The following DGLUCY variants were observed in gnomAD, a reference collection of about 807,000 sequenced individuals.
DGLUCY encodes the protein D-glutamate cyclase, also known as D-glutamate cyclase, mitochondrial.
Under a neutral mutation model 58.5 loss-of-function variants are expected in DGLUCY, and 58 were observed. That is an observed-to-expected ratio of 0.99 (90% CI 0.80 to 1.23). The LOEUF (loss-of-function observed/expected upper bound fraction) is 1.23, where lower values mean the gene tolerates loss of function less well. Among genes scored for constraint, DGLUCY ranks in the 50% most tolerant of loss-of-function variants. The pLI is 0.00. For missense variants in DGLUCY, 779 were observed against 784.7 expected (o/e 0.99, Z 0.09); for synonymous variants, 325 against 314.1 (o/e 1.03, Z -0.37).
At chr14:91,216,705 A>G (rs1886575239) in intron 13 of DGLUCY, among the ~76,000 whole-genome samples, 1 of 151,208 alleles carries the variant, frequency 6.6e-6, no homozygotes, top group Non-Finnish European at 1.5e-5. Context: ...ACCCAAGGAC[A>G]CTGTGACTTT....
chr14:91,205,806 T>TCTCCTC (rs146159847), intron 12 of DGLUCY, among the ~76,000 whole-genome samples: 37 of 131,914 alleles, frequency 2.8e-4, no homozygotes, highest in East Asian at 1.1e-3. Context: ...TCCGTCTCCT[T>TCTCCTC]CTCCTCCTCC....
chr14:91,188,838 AATACATAC>A (rs754963738), intron 8 of DGLUCY, 64 bp from the exon 9 acceptor site: 5 of 1,459,590 alleles, frequency 3.4e-6, no homozygotes, highest in South Asian at 1.3e-5. Context: ...TAAGTAAATA[AATACATAC>A]ATACATACAT....
At chr14:91,217,479 C>T (rs1327555743) in intron 13 of DGLUCY, among the ~76,000 whole-genome samples, 15 of 116,056 alleles carry the variant, frequency 1.3e-4, no homozygotes, top group Non-Finnish European at 2.4e-4. Flanking sequence ...TGCCCCTTTT[C>T]TGTCTTTTTT....
intron 11 of DGLUCY, among the ~76,000 whole-genome samples, chr14:91,200,994 G>C (rs533673286): frequency 6.6e-6 from 1 of 152,038 alleles, no homozygotes; most frequent in East Asian, 1.9e-4. Context: ...TCTTCAGGGT[G>C]GGGGAGGATA....
chr14:91,090,591 G>A (rs574366544), intron 1 of DGLUCY, among the ~76,000 whole-genome samples: 3 of 152,282 alleles, frequency 2.0e-5, no homozygotes, highest in South Asian at 4.2e-4. Context: ...CTCTGTCCTG[G>A]TTAGCAAACT....
intron 12 of DGLUCY, among the ~76,000 whole-genome samples, chr14:91,211,206 T>C (rs1885633974): frequency 6.6e-6 from 1 of 152,196 alleles, no homozygotes; most frequent in Admixed American, 6.5e-5. Context: ...TGGAGAGATA[T>C]TCCATGTTCA....
chr14:91,082,277 C>G lies in DGLUCY; in HGVS notation c.-82+21573C>G, dbSNP rs189803149. On this transcript the variant is annotated intron_variant, in intron 1 of 4. Transcript: ENST00000521334. ...AGATAAAAAGTGAGCCACACTCCCC[C>G]CTTCCCATGAAAGAGGTACCTGACC... Among the ~76,000 whole-genome samples the G allele has an allele frequency of 2.5e-3, 388 of 152,312 alleles. 1 individual carries two copies. Among genetic ancestry groups the G allele is most frequent in the African/African-American group, 8.0e-3 (334 of 41,576 alleles).
At position 91,201,882 on chromosome 14, in the gene DGLUCY, G is replaced by A. The variant is rs1041616919; in HGVS notation, c.1444+1977G>A. Among the ~76,000 whole-genome samples, 7 of 151,542 alleles carry A rather than the reference G, an allele frequency of 4.6e-5. No homozygotes were observed. In the South Asian group the frequency reaches 1.2e-3, roughly 27 times the overall value. ...AGCCTGGCCAACATGGCACAACCCC[G>A]TCTCTATTAAATATATAAAAAAATT... is the stretch of plus-strand genomic sequence containing the variant. On this transcript the variant is annotated intron_variant, in intron 11 of 13. Coordinates refer to ENST00000256324, the MANE Select transcript of DGLUCY (RefSeq NM_001102368.3).
At chr14:91,206,923 T>A in intron 12 of DGLUCY, among the ~76,000 whole-genome samples, 1 of 151,870 alleles carries the variant, frequency 6.6e-6, no homozygotes, top group Non-Finnish European at 1.5e-5. Context: ...AGCAGAGACA[T>A]GAAAATTTTA....
chr14:91,224,784 A>G lies in DGLUCY; in HGVS notation c.1817A>G (p.His606Arg). The G allele has an allele frequency of 1.9e-6, 3 of 1,613,530 alleles. No individual in the cohort carries two copies. The highest frequency in any genetic ancestry group is 1.7e-6 in the Non-Finnish European group (2 of 1,179,650). The change falls in exon 14 of 14, where the codon CAC becomes CGC. Residue 606 changes from histidine (H) to arginine (R), a missense_variant. Transcript: ENST00000256324. ...GATGGGCTGCCCTTCCACAACACCC[A>G]CGCCGAGATGATCCAGAAGCTGGTG... is the stretch of plus-strand genomic sequence containing the variant. ...EVDGLPFHNT[H>R]AEMIQKLVDV...
intron 1 of DGLUCY, among the ~76,000 whole-genome samples, chr14:91,150,240 A>AAG (rs2047246231): frequency 2.7e-5 from 4 of 150,930 alleles, no homozygotes; most frequent in African/African-American, 9.8e-5. Context: ...AAAAAAAAAA[A>AAG]AATCCAGTTT....
intron 1 of DGLUCY, among the ~76,000 whole-genome samples, chr14:91,082,011 C>T (rs143002627): frequency 2.0e-5 from 3 of 152,210 alleles, no homozygotes; most frequent in Non-Finnish European, 2.9e-5. Context: ...CCCAGAAAAT[C>T]GAAGATAATA....
At chr14:91,173,672 A>G in intron 6 of DGLUCY, 2 of 497,234 alleles carry the variant, frequency 4.0e-6, no homozygotes, top group South Asian at 3.0e-5. Context: ...AGGGGTCTCC[A>G]GGGGCAAAGG....
Position 91,223,873 on chromosome 14 carries a change from A to G in DGLUCY, c.1717-811A>G, listed in dbSNP as rs181305257. ...CATCACCCTCCCCATTTTACAGATA[A>G]GCACACTAAGGCACAGAACAGTTAA... On this transcript the variant is annotated intron_variant, in intron 13 of 13. Coordinates refer to ENST00000256324, the MANE Select transcript of DGLUCY (RefSeq NM_001102368.3). 2,200 of 388,344 alleles carry G rather than the reference A, an allele frequency of 5.7e-3. 41 individuals are homozygous for G. Among genetic ancestry groups the G allele is most frequent in the South Asian group, 0.033 (1,456 of 43,630 alleles). The allele number at this position is 388,344 out of a possible 1,614,324, so 24.1% of individuals were successfully genotyped here. A position where few individuals can be genotyped will look rare whatever the true frequency, so the allele number is the denominator to read the frequency against.
At chr14:91,202,742 A>G (rs929075209) in intron 11 of DGLUCY, among the ~76,000 whole-genome samples, 3 of 152,170 alleles carry the variant, frequency 2.0e-5, no homozygotes, top group East Asian at 1.9e-4. Context: ...CACACCCGCA[A>G]TGGGACCCCC....
intron 11 of DGLUCY, among the ~76,000 whole-genome samples, chr14:91,202,318 G>A (rs1429750396): frequency 6.6e-6 from 1 of 152,086 alleles, no homozygotes; most frequent in African/African-American, 2.4e-5. Context: ...GAAAGGCTTA[G>A]TGTAAGCCCC....
chr14:91,133,054 A>G (rs530123266), intron 1 of DGLUCY, among the ~76,000 whole-genome samples: 2 of 151,862 alleles, frequency 1.3e-5, no homozygotes, highest in Admixed American at 1.3e-4. Flanking sequence ...AGCACTTTGG[A>G]AGGCTGAGGT....
At chr14:91,140,540 AC>A (rs1010502132) in intron 1 of DGLUCY, among the ~76,000 whole-genome samples, 1 of 152,090 alleles carries the variant, frequency 6.6e-6, no homozygotes, top group African/African-American at 2.4e-5. Flanking sequence ...GCATGATGGC[AC>A]ATGCCTGTAA....
Position 91,196,419 on chromosome 14 carries a change from T to A in DGLUCY, c.1240T>A (p.Ser414Thr), listed in dbSNP as rs1266730254. Residue 414 changes from serine to threonine, a missense_variant, in exon 10 of 14, where the codon TCA becomes ACA. By Grantham distance (58) the Ser-to-Thr change is moderately conservative. Coordinates refer to ENST00000256324, the MANE Select transcript of DGLUCY (RefSeq NM_001102368.3). ...CCCGATATTAACTTACCAAGGTGGATCAGTGGAAGCTGCTCAGGCATTCCT... is the reference window on the plus strand; with the variant it reads ...CCCGATATTAACTTACCAAGGTGGAACAGTGGAAGCTGCTCAGGCATTCCT... The part of the protein sequence containing the change: ...QIPILTYQGG[S>T]VEAAQAFLCK... 6.2e-7 allele frequency: 1 copy of A among 1,613,952 alleles called. No individual in the cohort carries two copies.
Sources: allele counts gnomAD v4.1 joint callset (sites outside exome capture counted in the v4.1 genomes callset), GRCh38; gene constraint gnomAD v4.1.1; transcripts MANE v1.5; gene names NCBI Gene and HGNC (gene_info 2026-07-23, HGNC 2026-07-21).